ALOXE3: variants seen among roughly 807,000 people sequenced by gnomAD.
The protein encoded by ALOXE3 is arachidonate epidermal lipoxygenase 3, also known as hydroperoxide isomerase ALOXE3.
Under a neutral mutation model 87.5 loss-of-function variants are expected in ALOXE3, and 78 were observed. That is an observed-to-expected ratio of 0.89 (90% confidence interval 0.74 to 1.08). The LOEUF is 1.08. Among genes scored for constraint, ALOXE3 ranks in the 50% least tolerant of loss-of-function variants. ALOXE3 has a pLI of 0.00. For missense variants in ALOXE3, 946 were observed against 912.4 expected (o/e 1.04, Z -0.47); for synonymous variants, 363 against 370.8 (o/e 0.98, Z 0.24).
At chr17:8,111,224 G>GA (rs1980050431) in intron 8 of ALOXE3, 135 bp downstream of exon 8, 1 of 1,114,950 alleles carries the variant, frequency 9.0e-7, no homozygotes. Context: ...GCAGGACCAT[G>GA]GCTGCCCAGA....
Position 8,096,412 on chromosome 17 carries a change from G to A in ALOXE3, c.*215C>T, listed in dbSNP as rs543052718. On this transcript the variant is annotated 3_prime_UTR_variant, in exon 16 of 16. Coordinates refer to ENST00000448843, the MANE Select transcript of ALOXE3 (RefSeq NM_021628.3). ...TATTGTGCATTGGACTTTGGTCAGC[G>A]GCTTTTAACCTGGACGCTGCTGTGC... 2.2e-5 allele frequency: 13 copies of A among 580,140 alleles called. No individual in the cohort carries two copies. The highest frequency in any genetic ancestry group is 4.2e-5 in the South Asian group (2 of 47,882). 35.9% of individuals were successfully genotyped at this position (580,140 alleles called of 1,614,324 possible). A position where few individuals can be genotyped will look rare whatever the true frequency, so the allele number is the denominator to read the frequency against.
At chr17:8,115,542 A>G in intron 4 of ALOXE3, 65 bp downstream of exon 4, 3 of 1,509,506 alleles carry the variant, frequency 2.0e-6, no homozygotes, top group Admixed American at 1.7e-5. Flanking sequence ...AGAGTTAGGA[A>G]CAATCTGATT....
At position 8,114,586 on chromosome 17, in the gene ALOXE3, C is replaced by T; in HGVS notation, c.578G>A (p.Gly193Asp). The change falls in exon 6 of 16, where the codon GGC (glycine) becomes GAC (aspartate). Residue 193 changes from glycine (G) to aspartate (D), a missense_variant. By Grantham distance (94) the Gly-to-Asp change is moderately conservative. Transcript: ENST00000448843. ...GDSSGNRYLP[G>D]FPMKIDIPSL... The stretch of plus-strand genomic sequence containing the variant: ...TGGGATGTCAATTTTCATGGGGAAG[C>T]CGGGCAGGTACCGATTCCCACTGCT... 6.2e-7 allele frequency: 1 copy of T among 1,613,880 alleles called. No individual in the cohort carries two copies. Among genetic ancestry groups the T allele is most frequent in the African/African-American group, 1.3e-5 (1 of 74,952 alleles).
At chr17:8,097,415 A>G (rs191746417) in intron 15 of ALOXE3, among the ~76,000 whole-genome samples, 2 of 152,214 alleles carry the variant, frequency 1.3e-5, no homozygotes, top group Non-Finnish European at 2.9e-5. Flanking sequence ...ACCCAAGAAT[A>G]TAACAATTAC....
intron 15 of ALOXE3, among the ~76,000 whole-genome samples, chr17:8,102,403 G>A (rs1163860896): frequency 6.6e-6 from 1 of 152,152 alleles, no homozygotes; most frequent in African/African-American, 2.4e-5. Context: ...TGAGGCAGGA[G>A]AATCGCTTAA....
At chr17:8,112,290 C>T (rs1980165653) in intron 6 of ALOXE3, 94 bp from the exon 7 acceptor site, 1 of 937,770 alleles carries the variant, frequency 1.1e-6, no homozygotes, top group Non-Finnish European at 1.7e-6. Flanking sequence ...CTGACGGGGT[C>T]CATCCCCAGA....
intron 15 of ALOXE3, among the ~76,000 whole-genome samples, chr17:8,101,288 A>G (rs1349122278): frequency 6.6e-6 from 1 of 152,124 alleles, no homozygotes; most frequent in Non-Finnish European, 1.5e-5. Flanking sequence ...TCGGCCTCCC[A>G]ATGTGCTGGG....
chr17:8,102,538 G>A (rs1334001744), intron 15 of ALOXE3, among the ~76,000 whole-genome samples: 1 of 152,102 alleles, frequency 6.6e-6, no homozygotes. Flanking sequence ...TCTTCTAAAC[G>A]AACACTGTGC....
rs757199070 is a variant in ALOXE3, at chr17:8,108,560, T to A, written c.1592A>T (p.Tyr531Phe). Residue 531 changes from tyrosine (Y) to phenylalanine (F), a missense_variant, in exon 13 of 16, where the codon TAT becomes TTT. By Grantham distance (22) the Tyr-to-Phe change is conservative. Coordinates refer to ENST00000448843, the MANE Select transcript of ALOXE3 (RefSeq NM_021628.3). ...SFVSEIVGYY[Y>F]PSDASVQQDS... Reference sequence around the variant, plus strand: ...CTGCTGCACAGATGCGTCACTGGGATAATAGTAGCCCACGATTTCTGAGAC... The same window carrying A: ...CTGCTGCACAGATGCGTCACTGGGAAAATAGTAGCCCACGATTTCTGAGAC... 2.8e-5 allele frequency: 45 copies of A among 1,612,732 alleles called. No individual in the cohort carries two copies. Among genetic ancestry groups the A allele is most frequent in the Non-Finnish European group, 3.7e-5 (44 of 1,179,200 alleles).
intron 15 of ALOXE3, among the ~76,000 whole-genome samples, chr17:8,100,860 A>C (rs1978880380): frequency 6.6e-6 from 1 of 152,238 alleles, no homozygotes; most frequent in Non-Finnish European, 1.5e-5. Context: ...AAGAAAGAGA[A>C]AACACAGCAG....
chr17:8,098,242 T>G (rs1210017350), intron 15 of ALOXE3, among the ~76,000 whole-genome samples: 3 of 133,196 alleles, frequency 2.3e-5, no homozygotes, highest in African/African-American at 9.0e-5. Flanking sequence ...TTGTTTTTTT[T>G]TTTTTTTTTT....
chr17:8,113,586 G>A (rs1223357458), intron 6 of ALOXE3, among the ~76,000 whole-genome samples: 6 of 152,164 alleles, frequency 3.9e-5, no homozygotes, highest in Non-Finnish European at 8.8e-5. Flanking sequence ...CCAGGAAGTG[G>A]AGACTGCAGT....
In ALOXE3 at chr17:8,114,507, C is replaced by A; in HGVS notation, c.657G>T (p.Ser219=). 1.9e-6 allele frequency: 3 copies of A among 1,613,794 alleles called. No individual in the cohort carries two copies. Among genetic ancestry groups the A allele is most frequent in the Non-Finnish European group, 2.5e-6 (3 of 1,179,942 alleles). Residue 219 remains serine, a synonymous_variant, in exon 6 of 16, where the codon TCG becomes TCT. Coordinates refer to ENST00000448843, the MANE Select transcript of ALOXE3 (RefSeq NM_021628.3). Reference sequence around the variant, plus strand: ...ACGCAGGGATGGCATTGAAGAGCAGCGAGATCGTCTTGGTGGCTGAGTATC... The same window carrying A: ...ACGCAGGGATGGCATTGAAGAGCAGAGAGATCGTCTTGGTGGCTGAGTATC... ...NVRYSATKTI[S]LLFNAIPASL...
chr17:8,109,193 T>C lies in ALOXE3; in HGVS notation c.1543A>G (p.Ile515Val), dbSNP rs3027205. 14,570 of 1,613,646 alleles carry C rather than the reference T, an allele frequency of 9.0e-3. 636 individuals are homozygous for C. In the African/African-American group the frequency reaches 0.11, roughly 12 times the overall value. ...TCGCACCTCTCAATGGCCGCCCAGATCTTCAGGCCGTCGTCTCGGTAGTGG... is the reference window on the plus strand; with the variant it reads ...TCGCACCTCTCAATGGCCGCCCAGACCTTCAGGCCGTCGTCTCGGTAGTGG... Reference protein sequence around the residue: ...NYHYRDDGLKIWAAIESFVSE... With the variant: ...NYHYRDDGLKVWAAIESFVSE... Residue 515 changes from isoleucine to valine, a missense_variant, in exon 12 of 16, where the codon ATC becomes GTC. Coordinates refer to ENST00000448843, the MANE Select transcript of ALOXE3 (RefSeq NM_021628.3).
intron 15 of ALOXE3, among the ~76,000 whole-genome samples, chr17:8,099,617 C>T (rs899599497): frequency 4.0e-5 from 6 of 151,074 alleles, no homozygotes; most frequent in Non-Finnish European, 7.4e-5. Flanking sequence ...GCCGAGACCG[C>T]GCCACTGCAC....
intron 1 of ALOXE3, 22 bp from the exon 2 acceptor site, chr17:8,118,325 G>C: frequency 6.4e-7 from 1 of 1,551,826 alleles, no homozygotes; most frequent in Non-Finnish European, 8.7e-7. Flanking sequence ...GGGATCAGAT[G>C]CTGAGATGGA....
rs544794885 is a variant in ALOXE3, at chr17:8,115,096, C to G, written c.435-39G>C. ...GAGGTCAGAGGTGGCAGGTCATGCT[C>G]GGGATAAACACAAGTCTTAGCTTTA... On this transcript the variant is annotated intron_variant, in intron 4 of 15. Transcript: ENST00000448843. The G allele has an allele frequency of 3.1e-6, 5 of 1,613,358 alleles. No homozygotes were observed. The African/African-American group carries it at 6.7e-5, about 22-fold the overall frequency.
In ALOXE3 at chr17:8,118,119, G is replaced by T; in HGVS notation, c.-129C>A. The T allele has an allele frequency of 1.3e-6, 2 of 1,551,960 alleles. No homozygotes were observed. Among genetic ancestry groups the T allele is most frequent in the Non-Finnish European group, 1.7e-6 (2 of 1,147,702 alleles). On this transcript the variant is annotated 5_prime_UTR_variant, in exon 2 of 16. Transcript: ENST00000448843. ...GCTAGGGGCTGCGGGGCTGGGTAGGGCTGAGGATGGGCCCAGCTCTCTCTG... is the reference window on the plus strand; with the variant it reads ...GCTAGGGGCTGCGGGGCTGGGTAGGTCTGAGGATGGGCCCAGCTCTCTCTG...
intron 12 of ALOXE3, 122 bp from the exon 13 acceptor site, chr17:8,108,711 C>A: frequency 7.0e-7 from 1 of 1,434,478 alleles, no homozygotes; most frequent in Non-Finnish European, 9.6e-7. Flanking sequence ...CAGCAGGGAC[C>A]CCCAGGTGCA....
Sources: allele counts gnomAD v4.1 joint callset (sites outside exome capture counted in the v4.1 genomes callset), GRCh38; gene constraint gnomAD v4.1.1; transcripts MANE v1.5; gene names NCBI Gene and HGNC (gene_info 2026-07-23, HGNC 2026-07-21).